The following ANO4 variants were observed in gnomAD, a reference collection of about 807,000 sequenced individuals.
ANO4 encodes the protein anoctamin 4.
A neutral mutation model predicts 141.9 loss-of-function variants in ANO4; 69 were observed. The ratio of observed to expected loss-of-function variants is 0.49; its 90% CI spans 0.40 to 0.59. The LOEUF (loss-of-function observed/expected upper bound fraction) is 0.59, where lower values mean the gene tolerates loss of function less well. Ranked by LOEUF, ANO4 falls within the 20% of genes least tolerant of loss-of-function variation. ANO4 has a pLI of 0.00. For missense variants in ANO4, 894 were observed against 1,162.2 expected (o/e 0.77, Z 3.36); for synonymous variants, 350 against 394.3 (o/e 0.89, Z 1.33).
At chr12:100,879,924 C>T (rs1158216181) in intron 1 of ANO4, among the ~76,000 whole-genome samples, 3 of 152,062 alleles carry the variant, frequency 2.0e-5, no homozygotes, top group Admixed American at 6.5e-5. Context: ...CTCATCTGCT[C>T]GGGAGTTGGG....
At chr12:101,033,380 G>GCAT (rs1566152986) in intron 9 of ANO4, among the ~76,000 whole-genome samples, 2 of 152,018 alleles carry the variant, frequency 1.3e-5, no homozygotes, top group Admixed American at 6.6e-5. Context: ...TGACGAGCTA[G>GCAT]TGGGTGCAGC....
At chr12:101,008,236 A>G (rs1408716573) in intron 8 of ANO4, among the ~76,000 whole-genome samples, 1 of 152,210 alleles carries the variant, frequency 6.6e-6, no homozygotes, top group Non-Finnish European at 1.5e-5. Context: ...TACATTTTAA[A>G]TAGCCCTACA....
At chr12:100,903,708 G>C (rs2040704020) in intron 2 of ANO4, among the ~76,000 whole-genome samples, 1 of 152,100 alleles carries the variant, frequency 6.6e-6, no homozygotes, top group Non-Finnish European at 1.5e-5. Context: ...GGAACTCTTG[G>C]GCACAGCTCT....
intron 3 of ANO4, among the ~76,000 whole-genome samples, chr12:100,763,656 G>A (rs1162122964): frequency 6.6e-6 from 1 of 152,210 alleles, no homozygotes; most frequent in Non-Finnish European, 1.5e-5. Context: ...CTGGTGTCTG[G>A]TATACTGCTC....
At chr12:100,803,273 A>G (rs1487215202) in intron 1 of ANO4, among the ~76,000 whole-genome samples, 1 of 152,208 alleles carries the variant, frequency 6.6e-6, no homozygotes, top group Non-Finnish European at 1.5e-5. Context: ...CATTCAGAGA[A>G]GAGACGGGAG....
intron 2 of ANO4, among the ~76,000 whole-genome samples, chr12:100,736,082 A>G (rs1285236624): frequency 6.6e-6 from 1 of 152,184 alleles, no homozygotes; most frequent in Non-Finnish European, 1.5e-5. Context: ...TCTAGGACAG[A>G]CTGAGGAGGT....
intron 17 of ANO4, among the ~76,000 whole-genome samples, chr12:101,092,134 T>C (rs145416123): frequency 3.2e-4 from 48 of 152,072 alleles, no homozygotes; most frequent in African/African-American, 1.1e-3. Context: ...ATCCCAGGAA[T>C]AGACTAAAAA....
At chr12:100,968,806 C>T (rs1002332188) in intron 5 of ANO4, among the ~76,000 whole-genome samples, 8 of 152,164 alleles carry the variant, frequency 5.3e-5, no homozygotes, top group African/African-American at 1.9e-4. Flanking sequence ...GGCATCATTG[C>T]GTCCACAGGC....
rs142637541 is a variant in ANO4 at position 100,732,798 on chromosome 12, C to T, written c.23-976C>T. ...GGCACTCAGCCACCTGGATTCTCAG[C>T]CTTTCCATCAGAGATGTAAGGGTGG... On this transcript the variant is annotated intron_variant, in intron 1 of 29. Transcript: ENST00000644049. Among the ~76,000 whole-genome samples, 17 of 152,314 alleles carry T rather than the reference C, an allele frequency of 1.1e-4. No individual in the cohort carries two copies. The South Asian group carries it at 2.3e-3, about 20-fold the overall frequency.
chr12:101,099,794 C>G (rs2050123575), intron 22 of ANO4, 74 bp downstream of exon 22: 1 of 1,291,802 alleles, frequency 7.7e-7, no homozygotes, highest in South Asian at 1.8e-5. Context: ...AAACATATAC[C>G]CGTTATCATC....
At chr12:100,951,909 G>A (rs1245788922) in intron 5 of ANO4, among the ~76,000 whole-genome samples, 1 of 152,140 alleles carries the variant, frequency 6.6e-6, no homozygotes, top group East Asian at 1.9e-4. Flanking sequence ...AGCATCTCTA[G>A]CCTCTACCCA....
intron 25 of ANO4, among the ~76,000 whole-genome samples, 169 bp downstream of exon 25, chr12:101,116,967 A>G (rs2050879654): frequency 6.6e-6 from 1 of 152,212 alleles, no homozygotes; most frequent in Non-Finnish European, 1.5e-5. Context: ...TGCCCGGGAT[A>G]CAACCCAAAC....
At chr12:101,124,653 G>A (rs1296836323) in intron 26 of ANO4, among the ~76,000 whole-genome samples, 1 of 152,160 alleles carries the variant, frequency 6.6e-6, no homozygotes, top group Non-Finnish European at 1.5e-5. Context: ...TATATAAGGT[G>A]TAAGGAAGGG....
At chr12:100,865,540 C>G (rs1041825764) in intron 1 of ANO4, among the ~76,000 whole-genome samples, 3 of 152,014 alleles carry the variant, frequency 2.0e-5, no homozygotes, top group South Asian at 2.1e-4. Context: ...ATGCGGCCAA[C>G]AAACATATGA....
chr12:101,081,594 C>G lies in ANO4; in HGVS notation c.1396-2084C>G, dbSNP rs191774612. 5.6e-4 allele frequency among the ~76,000 whole-genome samples: 85 copies of G among 152,276 alleles called. 1 individual carries two copies. Among genetic ancestry groups the G allele is most frequent in the Non-Finnish European group, 1.8e-4 (12 of 68,024 alleles). ...TTTCTACCTTATTGTGCAGAAAAACCCAGACTCGCTGCAGACCTTCTGGGG... is the reference window on the plus strand; with the variant it reads ...TTTCTACCTTATTGTGCAGAAAAACGCAGACTCGCTGCAGACCTTCTGGGG... On this transcript the variant is annotated intron_variant, in intron 15 of 27. Coordinates refer to ENST00000392977, the MANE Select transcript of ANO4 (RefSeq NM_001286615.2).
At chr12:100,917,102 A>T (rs1464919462) in intron 2 of ANO4, among the ~76,000 whole-genome samples, 2 of 152,206 alleles carry the variant, frequency 1.3e-5, no homozygotes, top group Non-Finnish European at 2.9e-5. Flanking sequence ...AATCACAATT[A>T]AGTATTGAGT....
intron 5 of ANO4, among the ~76,000 whole-genome samples, chr12:100,949,832 A>C (rs892219889): frequency 6.6e-6 from 1 of 152,210 alleles, no homozygotes; most frequent in Non-Finnish European, 1.5e-5. Flanking sequence ...ATCTGGGTAT[A>C]AAGTTATAGA....
chr12:101,054,573 C>A (rs564800144), intron 14 of ANO4, among the ~76,000 whole-genome samples: 1 of 152,354 alleles, frequency 6.6e-6, no homozygotes, highest in Admixed American at 6.5e-5. Flanking sequence ...AATCTCGGCT[C>A]ATTGCAAGCT....
At chr12:100,993,481 G>A (rs776974129) in intron 8 of ANO4, among the ~76,000 whole-genome samples, 5 of 152,142 alleles carry the variant, frequency 3.3e-5, no homozygotes, top group African/African-American at 4.8e-5. Flanking sequence ...GCTATAGGTC[G>A]TACACCTAGG....
Sources: allele counts gnomAD v4.1 joint callset (sites outside exome capture counted in the v4.1 genomes callset), GRCh38; gene constraint gnomAD v4.1.1; transcripts MANE v1.5; gene names NCBI Gene and HGNC (gene_info 2026-07-23, HGNC 2026-07-21).